Variants in ESRRG observed in about 807,000 individuals in gnomAD.
ESRRG encodes the protein estrogen related receptor gamma.
A neutral mutation model predicts 44.0 loss-of-function variants in ESRRG; 13 were observed. The ratio of observed to expected loss-of-function variants is 0.30; its 90% confidence interval spans 0.19 to 0.47. The LOEUF (loss-of-function observed/expected upper bound fraction) is 0.47. ESRRG is among the 20% of genes least tolerant of loss of function. The probability of loss-of-function intolerance (pLI) is 1.00; values close to 1 mark genes in which losing one functional copy is unlikely to be tolerated. For missense variants in ESRRG, 395 were observed against 580.6 expected (o/e 0.68, Z 3.29); for synonymous variants, 215 against 214.6 (o/e 1.00, Z -0.02).
intron 2 of ESRRG, among the ~76,000 whole-genome samples, chr1:216,676,171 A>T (rs1010929044): frequency 2.0e-5 from 3 of 152,220 alleles, no homozygotes; most frequent in African/African-American, 7.2e-5. Context: ...GTGAAATCTA[A>T]TTTTTTTGCC....
intron 2 of ESRRG, among the ~76,000 whole-genome samples, chr1:216,891,996 G>A (rs895097122): frequency 2.1e-4 from 32 of 151,834 alleles, no homozygotes; most frequent in Non-Finnish European, 1.3e-4. Flanking sequence ...TAGTAGAGAC[G>A]GAGTTTCACT....
chr1:216,756,602 G>C (rs530424350), intron 2 of ESRRG, among the ~76,000 whole-genome samples: 2 of 152,074 alleles, frequency 1.3e-5, no homozygotes, highest in South Asian at 4.1e-4. Context: ...GCTCATTCTA[G>C]CTACTTTAAA....
chr1:216,900,395 T>C (rs1435686552), intron 2 of ESRRG, among the ~76,000 whole-genome samples: 7 of 152,174 alleles, frequency 4.6e-5, no homozygotes, highest in Admixed American at 4.6e-4. Flanking sequence ...GAGGAAGATA[T>C]CGCCCACTCA....
intron 2 of ESRRG, among the ~76,000 whole-genome samples, chr1:216,906,974 A>G (rs1304524876): frequency 2.6e-5 from 4 of 152,176 alleles, no homozygotes; most frequent in African/African-American, 7.2e-5. Context: ...ACATGTGTAT[A>G]TATTTGTGTA....
chr1:217,078,646 T>C (rs1238484484), intron 1 of ESRRG, among the ~76,000 whole-genome samples: 3 of 152,234 alleles, frequency 2.0e-5, no homozygotes, highest in African/African-American at 4.8e-5. Context: ...TCGGGACTTA[T>C]ACGTAGTTCC....
intron 3 of ESRRG, among the ~76,000 whole-genome samples, chr1:216,634,405 T>G (rs1022486988): frequency 6.6e-6 from 1 of 151,936 alleles, no homozygotes; most frequent in African/African-American, 2.4e-5. Flanking sequence ...GGCTTTTATT[T>G]TTTTTTTTCT....
intron 1 of ESRRG, among the ~76,000 whole-genome samples, chr1:217,020,834 A>G (rs2080187454): frequency 6.6e-6 from 1 of 152,194 alleles, no homozygotes; most frequent in African/African-American, 2.4e-5. Flanking sequence ...ATGTAAATAA[A>G]TTACTGAGAG....
chr1:216,521,802 C>T (rs1388173952), intron 5 of ESRRG, among the ~76,000 whole-genome samples: 3 of 152,048 alleles, frequency 2.0e-5, no homozygotes, highest in Admixed American at 6.6e-5. Flanking sequence ...TGCAGGCATC[C>T]AATTTTTCTT....
intron 2 of ESRRG, among the ~76,000 whole-genome samples, chr1:216,661,509 T>C (rs1187422277): frequency 1.3e-5 from 2 of 152,208 alleles, no homozygotes; most frequent in African/African-American, 2.4e-5. Context: ...TATCTTTGGA[T>C]AGAAACAGTT....
At chr1:216,611,132 G>A (rs565723357) in intron 3 of ESRRG, among the ~76,000 whole-genome samples, 33 of 150,922 alleles carry the variant, frequency 2.2e-4, no homozygotes, top group African/African-American at 7.6e-4. Flanking sequence ...GAACCCGGGA[G>A]GTGGAGGTTG....
chr1:216,982,363 A>G (rs1296282367), intron 1 of ESRRG, among the ~76,000 whole-genome samples: 5 of 152,186 alleles, frequency 3.3e-5, no homozygotes, highest in Non-Finnish European at 7.3e-5. Context: ...TAGATGGGCA[A>G]TGATAGGCCA....
At chr1:217,127,620 C>T (rs2092909322) in intron 1 of ESRRG, among the ~76,000 whole-genome samples, 1 of 152,168 alleles carries the variant, frequency 6.6e-6, no homozygotes, top group African/African-American at 2.4e-5. Flanking sequence ...AGAACATGGA[C>T]TCTTGAATCA....
intron 4 of ESRRG, among the ~76,000 whole-genome samples, chr1:216,565,841 T>C (rs1057404869): frequency 6.6e-6 from 1 of 152,176 alleles, no homozygotes. Context: ...CCCATACTTT[T>C]AGTTATGCTT....
intron 1 of ESRRG, among the ~76,000 whole-genome samples, chr1:217,101,945 T>C (rs2092519756): frequency 6.6e-6 from 1 of 152,028 alleles, no homozygotes; most frequent in East Asian, 1.9e-4. Context: ...TAGCTGGGAG[T>C]ACAGGCATGC....
intron 3 of ESRRG, among the ~76,000 whole-genome samples, chr1:216,603,881 C>A (rs571754393): frequency 3.3e-4 from 50 of 149,924 alleles, no homozygotes; most frequent in African/African-American, 1.2e-3. Context: ...TGCAGAGAAC[C>A]TAGATGGTGC....
chr1:216,804,888 C>T (rs919263534), intron 2 of ESRRG: 10 of 152,156 alleles, frequency 6.6e-5, no homozygotes, highest in Non-Finnish European at 1.3e-4. Flanking sequence ...ACATTTCCCT[C>T]TGCAATTTCA....
At chr1:216,623,550 G>A (rs1000843582) in intron 3 of ESRRG, among the ~76,000 whole-genome samples, 3 of 152,040 alleles carry the variant, frequency 2.0e-5, no homozygotes, top group African/African-American at 7.2e-5. Context: ...ATACTATTGA[G>A]GGACCAAGGA....
chr1:216,883,816 C>T (rs993670886), intron 2 of ESRRG, among the ~76,000 whole-genome samples: 1 of 151,450 alleles, frequency 6.6e-6, no homozygotes, highest in South Asian at 2.1e-4. Flanking sequence ...GATCAATGTC[C>T]AACACCACTT....
intron 2 of ESRRG, among the ~76,000 whole-genome samples, chr1:216,733,115 T>A (rs1183454465): frequency 6.6e-6 from 1 of 152,188 alleles, no homozygotes; most frequent in Admixed American, 6.5e-5. Flanking sequence ...GCTTACAGTT[T>A]TTCAAAGATT....
Sources: gnomAD v4.1 joint callset for allele counts (sites outside exome capture counted in the v4.1 genomes callset) on GRCh38, gnomAD v4.1.1 for gene constraint, MANE v1.5 for transcripts, NCBI Gene and HGNC (gene_info 2026-07-23, HGNC 2026-07-21) for gene names.